Variants in ADAMTS17 observed in about 807,000 individuals in gnomAD.
ADAMTS17 encodes ADAM metallopeptidase with thrombospondin type 1 motif 17.
Under a neutral mutation model 141.5 loss-of-function variants are expected in ADAMTS17, and 113 were observed. That is an observed-to-expected ratio of 0.80 (90% CI 0.69 to 0.93). ADAMTS17 has a LOEUF of 0.93. Among genes scored for constraint, ADAMTS17 ranks in the 40% least tolerant of loss-of-function variants. The pLI is 0.00. For synonymous variants in ADAMTS17, 768 were observed against 630.6 expected (o/e 1.22, Z -3.27); for missense variants, 1,659 against 1,517.9 (o/e 1.09, Z -1.54).
chr15:100,006,361 A>G (rs1421786699), intron 18 of ADAMTS17, among the ~76,000 whole-genome samples: 5 of 152,208 alleles, frequency 3.3e-5, no homozygotes, highest in Admixed American at 3.3e-4. Flanking sequence ...CTCAGCTCCT[A>G]TTTAAAATTC....
At chr15:100,157,503 T>G (rs887627430) in intron 8 of ADAMTS17, among the ~76,000 whole-genome samples, 4 of 152,118 alleles carry the variant, frequency 2.6e-5, no homozygotes, top group Non-Finnish European at 5.9e-5. Context: ...CACCTAGGTA[T>G]AGATGGCCAT....
chr15:100,055,910 A>G (rs570607767), intron 15 of ADAMTS17, among the ~76,000 whole-genome samples: 1 of 152,330 alleles, frequency 6.6e-6, no homozygotes, highest in African/African-American at 2.4e-5. Context: ...GCCCAAAATC[A>G]CAAAGCTATT....
chr15:100,287,635 G>A (rs1355375061), intron 3 of ADAMTS17, among the ~76,000 whole-genome samples: 1 of 152,222 alleles, frequency 6.6e-6, no homozygotes, highest in African/African-American at 2.4e-5. Context: ...CAACTAGGGA[G>A]AAGAGGTAGG....
intron 15 of ADAMTS17, among the ~76,000 whole-genome samples, chr15:100,074,795 A>G (rs559787465): frequency 1.3e-5 from 2 of 152,254 alleles, no homozygotes; most frequent in African/African-American, 4.8e-5. Flanking sequence ...TAGAGGCACG[A>G]TTGGGAAATT....
chr15:100,025,808 A>G (rs2061503197), intron 18 of ADAMTS17, among the ~76,000 whole-genome samples: 1 of 152,142 alleles, frequency 6.6e-6, no homozygotes, highest in South Asian at 2.1e-4. Flanking sequence ...AATTATAATT[A>G]CTGTGTATAT....
intron 19 of ADAMTS17, among the ~76,000 whole-genome samples, chr15:99,996,251 A>T (rs2060800509): frequency 6.6e-6 from 1 of 152,044 alleles, no homozygotes; most frequent in Non-Finnish European, 1.5e-5. Flanking sequence ...ACAGGATTTT[A>T]CCACTGAGTG....
At chr15:100,082,705 A>G (rs1171635896) in intron 15 of ADAMTS17, among the ~76,000 whole-genome samples, 2 of 149,280 alleles carry the variant, frequency 1.3e-5, no homozygotes, top group African/African-American at 4.9e-5. Flanking sequence ...TATCATCTTA[A>G]ATCTTTCTAC....
At chr15:100,044,918 C>T (rs2031561150) in intron 18 of ADAMTS17, among the ~76,000 whole-genome samples, 2 of 151,180 alleles carry the variant, frequency 1.3e-5, no homozygotes, top group Non-Finnish European at 2.9e-5. Flanking sequence ...AGCAATTCTT[C>T]TGCCTCAGCC....
intron 4 of ADAMTS17, among the ~76,000 whole-genome samples, chr15:100,270,476 C>T (rs779627873): frequency 1.3e-5 from 2 of 152,088 alleles, no homozygotes; most frequent in African/African-American, 2.4e-5. Context: ...ATACAAAAGG[C>T]TCTCCAGAAG....
At chr15:100,124,083 C>A (rs2037593008) in intron 12 of ADAMTS17, among the ~76,000 whole-genome samples, 1 of 151,858 alleles carries the variant, frequency 6.6e-6, no homozygotes, top group Admixed American at 6.6e-5. Context: ...TGTGGGTCAG[C>A]CTCCTGAGTA....
At chr15:100,190,675 G>A (rs2040882800) in intron 8 of ADAMTS17, among the ~76,000 whole-genome samples, 1 of 152,232 alleles carries the variant, frequency 6.6e-6, no homozygotes, top group African/African-American at 2.4e-5. Context: ...GGCAGTAGGT[G>A]CACAAGGGTT....
At chr15:100,153,563 G>C (rs1274846188) in intron 9 of ADAMTS17, among the ~76,000 whole-genome samples, 1 of 152,164 alleles carries the variant, frequency 6.6e-6, no homozygotes, top group African/African-American at 2.4e-5. Context: ...AGAATTACTT[G>C]AACTCAGGAG....
chr15:100,073,493 G>T (rs1305457355), intron 15 of ADAMTS17, among the ~76,000 whole-genome samples: 1 of 151,896 alleles, frequency 6.6e-6, no homozygotes, highest in African/African-American at 2.4e-5. Context: ...ATTCACAATA[G>T]CAAAGACTTG....
chr15:100,137,499 A>C (rs2038395809), intron 10 of ADAMTS17, among the ~76,000 whole-genome samples: 1 of 152,166 alleles, frequency 6.6e-6, no homozygotes, highest in Non-Finnish European at 1.5e-5. Context: ...AGATGCATTC[A>C]TCATGCTCAG....
chr15:100,288,054 TCA>T (rs767844226), intron 3 of ADAMTS17, among the ~76,000 whole-genome samples: 3 of 152,130 alleles, frequency 2.0e-5, no homozygotes, highest in Non-Finnish European at 4.4e-5. Context: ...CAGTCAAAAG[TCA>T]CAAAGTGACA....
At chr15:100,163,277 T>C (rs1343028972) in intron 8 of ADAMTS17, among the ~76,000 whole-genome samples, 2 of 152,050 alleles carry the variant, frequency 1.3e-5, no homozygotes, top group African/African-American at 4.8e-5. Flanking sequence ...GGAGATTCTG[T>C]CCCCTATTCC....
chr15:100,046,626 T>TTTATAATTTC (rs1210433977), intron 18 of ADAMTS17, among the ~76,000 whole-genome samples: 7 of 152,354 alleles, frequency 4.6e-5, no homozygotes, highest in African/African-American at 1.7e-4. Flanking sequence ...AATAAATACT[T>TTTATAATTTC]TTATAATTTC....
chr15:100,037,834 G>A (rs2030891935), intron 18 of ADAMTS17, among the ~76,000 whole-genome samples: 1 of 152,054 alleles, frequency 6.6e-6, no homozygotes, highest in Non-Finnish European at 1.5e-5. Context: ...GAGTGCAGTG[G>A]TGCAATCTCA....
intron 15 of ADAMTS17, among the ~76,000 whole-genome samples, chr15:100,055,771 G>A (rs139188547): frequency 9.0e-4 from 137 of 152,248 alleles, no homozygotes; most frequent in Middle Eastern, 3.4e-3. Flanking sequence ...TCTGCAAACT[G>A]CCATTTAAGG....
Sources: gnomAD v4.1 joint callset for allele counts (sites outside exome capture counted in the v4.1 genomes callset) on GRCh38, gnomAD v4.1.1 for gene constraint, MANE v1.5 for transcripts, NCBI Gene and HGNC (gene_info 2026-07-23, HGNC 2026-07-21) for gene names.